The following GTF2H1 variants were observed in gnomAD, a reference collection of about 807,000 sequenced individuals.
GTF2H1 encodes the protein general transcription factor IIH subunit 1.
Under a neutral mutation model 71.2 loss-of-function variants are expected in GTF2H1, and 16 were observed. That is an observed-to-expected ratio of 0.22 (90% confidence interval 0.15 to 0.34). The LOEUF is 0.34. Ranked by LOEUF, GTF2H1 falls within the 10% of genes least tolerant of loss-of-function variation. The pLI, the probability that GTF2H1 is intolerant of heterozygous loss-of-function variation, is 1.00. For missense variants in GTF2H1, 498 were observed against 648.2 expected (o/e 0.77, Z 2.52); for synonymous variants, 215 against 219.0 (o/e 0.98, Z 0.16).
intron 11 of GTF2H1, 62 bp from the exon 12 acceptor site, chr11:18,357,888 AAG>A (rs1167381047): frequency 6.6e-6 from 6 of 909,140 alleles, no homozygotes; most frequent in Non-Finnish European, 1.1e-5. Context: ...AATGTTAAGA[AAG>A]AGAGGTGGCA....
At position 18,365,925 on chromosome 11, in the gene GTF2H1, A is replaced by G. The variant is rs1158105990; in HGVS notation, c.*56A>G. ...ATTGAGAGAACTATGACCTGCAGCA[A>G]CTCTGGAAACCTGGCCTGACAGACA... is the stretch of plus-strand genomic sequence containing the variant. On this transcript the variant is annotated 3_prime_UTR_variant, in exon 15 of 15. Coordinates refer to ENST00000265963, the MANE Select transcript of GTF2H1 (RefSeq NM_005316.4). 4.7e-5 allele frequency: 57 copies of G among 1,222,996 alleles called. 1 individual carries two copies. The South Asian group carries it at 5.1e-4, about 11-fold the overall frequency. 75.8% of individuals were successfully genotyped at this position (1,222,996 alleles called of 1,614,324 possible).
intron 13 of GTF2H1, 134 bp downstream of exon 13, chr11:18,358,774 A>G (rs1253117754): frequency 3.3e-6 from 2 of 610,192 alleles, no homozygotes; most frequent in African/African-American, 3.7e-5. Flanking sequence ...CGTTTCATGT[A>G]AACCTCACAG....
At chr11:18,364,150 A>G (rs539954496) in intron 14 of GTF2H1, among the ~76,000 whole-genome samples, 2 of 152,208 alleles carry the variant, frequency 1.3e-5, no homozygotes, top group African/African-American at 2.4e-5. Flanking sequence ...CCAATTGATA[A>G]TATAGATACT....
At chr11:18,356,255 G>A (rs1390398293) in intron 11 of GTF2H1, among the ~76,000 whole-genome samples, 1 of 151,894 alleles carries the variant, frequency 6.6e-6, no homozygotes, top group Non-Finnish European at 1.5e-5. Context: ...GTGCGTACCT[G>A]TAGTCTCAGC....
chr11:18,341,317 A>G lies in GTF2H1; in HGVS notation c.664A>G (p.Thr222Ala), dbSNP rs1336314305. The change falls in exon 6 of 15, where the codon ACA becomes GCA. Residue 222 changes from threonine to alanine, a missense_variant. Thr to Ala is a moderately conservative substitution (Grantham distance 58). Around this residue, in one of 3 missense-constraint regions of GTF2H1, gnomAD observed 216 missense variants for 306.2 expected, o/e 0.71. Transcript: ENST00000265963. ...CAACATGACAGAGAAGGAATTCTGG[A>G]CACGTTTTTTCCAGTCCCATTATTT... is the stretch of plus-strand genomic sequence containing the variant. ...PHNMTEKEFW[T>A]RFFQSHYFHR... is the part of the protein sequence containing the mutation. 1 of 1,613,912 alleles carries G rather than the reference A, an allele frequency of 6.2e-7. No individual in the cohort carries two copies. The highest frequency in any genetic ancestry group is 1.1e-5 in the South Asian group (1 of 91,070).
At chr11:18,358,411 GT>G in intron 12 of GTF2H1, 113 bp from the exon 13 acceptor site, 2 of 614,170 alleles carry the variant, frequency 3.3e-6, no homozygotes, top group Non-Finnish European at 5.8e-6. Context: ...GCACATCCTG[GT>G]TTGGCATTGA....
At chr11:18,326,202 G>T (rs1297115034) in intron 1 of GTF2H1, 1 of 152,310 alleles carries the variant, frequency 6.6e-6, no homozygotes, top group South Asian at 2.1e-4. Flanking sequence ...AATGAATTTT[G>T]ATATAAATGG....
chr11:18,345,112 G>A (rs1865258183), intron 7 of GTF2H1, among the ~76,000 whole-genome samples: 2 of 142,028 alleles, frequency 1.4e-5, no homozygotes, highest in African/African-American at 6.2e-5. Context: ...GATCACTTGA[G>A]CCCAGGAGGT....
At chr11:18,322,784 G>T (rs1864540547) in intron 1 of GTF2H1, 44 bp downstream of exon 1, 1 of 149,052 alleles carries the variant, frequency 6.7e-6, no homozygotes, top group African/African-American at 2.5e-5. Flanking sequence ...TGGGTGGGCG[G>T]GTGAGGAGCT....
intron 4 of GTF2H1, 64 bp from the exon 5 acceptor site, chr11:18,339,500 A>T (rs1590187067): frequency 8.9e-7 from 1 of 1,119,766 alleles, no homozygotes; most frequent in East Asian, 2.4e-5. Flanking sequence ...TCCAGTGTCC[A>T]CTGGGACCTG....
intron 14 of GTF2H1, among the ~76,000 whole-genome samples, chr11:18,362,148 A>G (rs1865717705): frequency 6.6e-6 from 1 of 152,232 alleles, no homozygotes; most frequent in Non-Finnish European, 1.5e-5. Context: ...TGTTGCTCCT[A>G]GGCTACAAAC....
At chr11:18,354,877 C>T (rs1413756173) in intron 11 of GTF2H1, among the ~76,000 whole-genome samples, 3 of 151,866 alleles carry the variant, frequency 2.0e-5, no homozygotes, top group Non-Finnish European at 2.9e-5. Context: ...GGCATGATCT[C>T]GGCCCACTGC....
At chr11:18,331,476 G>C (rs188121357) in intron 1 of GTF2H1, among the ~76,000 whole-genome samples, 2,633 of 152,176 alleles carry the variant, frequency 0.017, 57 homozygotes, top group African/African-American at 0.052. Context: ...AGACCAGCCT[G>C]ACCAACATGG....
rs531518526 is a variant in GTF2H1, at chr11:18,361,030, C to G, written c.1560+323C>G. Among the ~76,000 whole-genome samples the G allele has an allele frequency of 5.3e-4, 80 of 151,908 alleles. 1 individual carries two copies. The highest frequency in any genetic ancestry group is 1.9e-3 in the African/African-American group (78 of 41,474). On this transcript the variant is annotated intron_variant, in intron 14 of 14. Transcript: ENST00000265963. ...ATGTTGGCCAGGCTGGTCTCAAACT[C>G]GACCTCAGGTAATCAGCCCACCTTG...
At chr11:18,349,889 G>C (rs189599694) in intron 9 of GTF2H1, among the ~76,000 whole-genome samples, 29 of 152,260 alleles carry the variant, frequency 1.9e-4, no homozygotes, top group Admixed American at 1.8e-3. Flanking sequence ...TTAGCCTGTA[G>C]TTGGGCAGCA....
intron 1 of GTF2H1, chr11:18,324,087 G>A (rs1380369686): frequency 6.7e-6 from 1 of 149,786 alleles, no homozygotes; most frequent in Non-Finnish European, 1.5e-5. Flanking sequence ...TTTTGCTCTT[G>A]TTGCCCAGGC....
At chr11:18,365,070 TTAAAAAAGAA>T (rs1427275170) in intron 14 of GTF2H1, among the ~76,000 whole-genome samples, 1 of 111,508 alleles carries the variant, frequency 9.0e-6, no homozygotes. Context: ...TCTCCACTAT[TTAAAAAAGAA>T]AAAAAAAAAA....
chr11:18,338,070 C>G (rs758624782), intron 3 of GTF2H1, 39 bp from the exon 4 acceptor site: 10 of 1,421,794 alleles, frequency 7.0e-6, no homozygotes, highest in Non-Finnish European at 9.8e-6. Context: ...GTGTTTTATT[C>G]TAGAAGTTCA....
In GTF2H1 at chr11:18,336,474, G is replaced by A. The variant is rs532150609; in HGVS notation, c.347+528G>A. On this transcript the variant is annotated intron_variant, in intron 3 of 14. Coordinates refer to ENST00000265963, the MANE Select transcript of GTF2H1 (RefSeq NM_005316.4). The stretch of plus-strand genomic sequence containing the variant: ...GATACTGTAATGTAGGAAAATATGG[G>A]CTCTAGTGTCTTTACCTTGGTGTTT... Among the ~76,000 whole-genome samples the A allele has an allele frequency of 5.3e-5, 8 of 152,176 alleles. No individual in the cohort carries two copies. The East Asian group carries it at 1.4e-3, about 26-fold the overall frequency.
Sources: gnomAD v4.1 joint callset for allele counts (sites outside exome capture counted in the v4.1 genomes callset) on GRCh38, gnomAD v4.1.1 for gene constraint, gnomAD v4.1.1 regional missense constraint, MANE v1.5 for transcripts, NCBI Gene and HGNC (gene_info 2026-07-23, HGNC 2026-07-21) for gene names.